Variants in NALF1 observed in about 807,000 individuals in gnomAD.
NALF1 encodes the protein family with sequence similarity 155 member A.
In NALF1, 3 loss-of-function variants were observed where a neutral mutation model predicts 48.4. The ratio of observed to expected loss-of-function variants is 0.06; its 90% CI spans 0.03 to 0.16. The LOEUF (loss-of-function observed/expected upper bound fraction) is 0.16, where lower values mean the gene tolerates loss of function less well. Ranked by LOEUF, NALF1 falls within the 10% of genes least tolerant of loss-of-function variation. NALF1 has a pLI of 1.00. For synonymous variants in NALF1, 262 were observed against 245.7 expected (o/e 1.07, Z -0.62); for missense variants, 526 against 571.5 (o/e 0.92, Z 0.81).
intron 1 of NALF1, among the ~76,000 whole-genome samples, chr13:107,360,253 C>A (rs1293416641): frequency 1.3e-5 from 2 of 152,136 alleles, no homozygotes; most frequent in South Asian, 2.1e-4. Flanking sequence ...GACTCAATAG[C>A]AAATTAGAGC....
chr13:107,267,625 C>A (rs941756955), intron 1 of NALF1, among the ~76,000 whole-genome samples: 1 of 152,102 alleles, frequency 6.6e-6, no homozygotes, highest in African/African-American at 2.4e-5. Flanking sequence ...GGTACTGAAT[C>A]CTATATGTAC....
At chr13:107,714,451 T>C (rs939160088) in intron 1 of NALF1, among the ~76,000 whole-genome samples, 7 of 151,966 alleles carry the variant, frequency 4.6e-5, no homozygotes, top group Non-Finnish European at 8.8e-5. Flanking sequence ...CAGATGGCTT[T>C]GAGCTCAGGA....
rs751866476 is a variant in NALF1 at position 107,865,698 on chromosome 13, C to A, written c.899G>T (p.Cys300Phe). 20 of 1,613,760 alleles carry A rather than the reference C, an allele frequency of 1.2e-5. No individual in the cohort carries two copies. In the South Asian group the frequency reaches 2.2e-4, roughly 18 times the overall value. ...LQSEEYSVKSCPEDCKIVYKA... is the reference protein window; with the variant it reads ...LQSEEYSVKSFPEDCKIVYKA... ...GGTTCCTACCTTACAGTCTTCAGGA[C>A]AGGATTTCACCGAGTACTCCTCCGA... Residue 300 changes from cysteine to phenylalanine, a missense_variant, in exon 1 of 3, where the codon TGT becomes TTT. Coordinates refer to ENST00000375915, the MANE Select transcript of NALF1 (RefSeq NM_001080396.3).
intron 1 of NALF1, among the ~76,000 whole-genome samples, chr13:107,616,096 C>T (rs1264536162): frequency 6.6e-6 from 1 of 152,028 alleles, no homozygotes; most frequent in East Asian, 1.9e-4. Flanking sequence ...AAAACTATTG[C>T]TGAAGATAAA....
At chr13:107,701,491 G>A (rs1881818261) in intron 1 of NALF1, among the ~76,000 whole-genome samples, 1 of 152,062 alleles carries the variant, frequency 6.6e-6, no homozygotes, top group Non-Finnish European at 1.5e-5. Context: ...AATAAACTGT[G>A]GTTACCAGGT....
chr13:107,765,861 T>C lies in NALF1; in HGVS notation c.915+99821A>G, dbSNP rs536067830. Among the ~76,000 whole-genome samples, 8 of 152,312 alleles carry C rather than the reference T, an allele frequency of 5.3e-5. 1 individual carries two copies. The highest frequency in any genetic ancestry group is 1.9e-4 in the African/African-American group (8 of 41,572). On this transcript the variant is annotated intron_variant, in intron 1 of 2. Transcript: ENST00000375915. ...TAAAGTATTTAGAAAACGCCTACTA[T>C]TAAACTTTTATAAATATTTGAGGAA...
chr13:107,230,097 A>G (rs9587324), intron 1 of NALF1, among the ~76,000 whole-genome samples: 60,299 of 152,084 alleles, frequency 0.4, 12,295 homozygotes, highest in Middle Eastern at 0.48. Flanking sequence ...TGCCTCATGC[A>G]GATTCGGCCT....
intron 1 of NALF1, among the ~76,000 whole-genome samples, chr13:107,568,208 TG>T (rs1425517018): frequency 6.6e-6 from 1 of 152,202 alleles, no homozygotes; most frequent in Non-Finnish European, 1.5e-5. Flanking sequence ...CTCTAGCTCC[TG>T]GGCTCAAGGA....
At chr13:107,449,254 T>TA (rs962780913) in intron 1 of NALF1, among the ~76,000 whole-genome samples, 33 of 145,288 alleles carry the variant, frequency 2.3e-4, no homozygotes, top group African/African-American at 6.3e-4. Context: ...AAAAAAAGAA[T>TA]AAAAAAAAAA....
intron 1 of NALF1, among the ~76,000 whole-genome samples, chr13:107,800,796 C>A (rs889676471): frequency 8.1e-5 from 12 of 149,014 alleles, no homozygotes; most frequent in African/African-American, 2.7e-4. Flanking sequence ...AAATATAGTA[C>A]AGGTAATTTC....
At chr13:107,496,183 T>G (rs969975433) in intron 1 of NALF1, among the ~76,000 whole-genome samples, 1 of 152,168 alleles carries the variant, frequency 6.6e-6, no homozygotes, top group African/African-American at 2.4e-5. Context: ...AAAAGTATTT[T>G]CCCTGAGAAA....
At chr13:107,391,046 T>A (rs1037430195) in intron 1 of NALF1, among the ~76,000 whole-genome samples, 8 of 152,168 alleles carry the variant, frequency 5.3e-5, no homozygotes, top group African/African-American at 1.9e-4. Flanking sequence ...GGAAGGAGCA[T>A]CAGTGCAGAT....
chr13:107,796,067 G>A (rs1183944460), intron 1 of NALF1, among the ~76,000 whole-genome samples: 1 of 152,118 alleles, frequency 6.6e-6, no homozygotes, highest in Non-Finnish European at 1.5e-5. Context: ...AATATTGATG[G>A]TTAAGGCATT....
At chr13:107,508,491 C>T (rs964382061) in intron 1 of NALF1, among the ~76,000 whole-genome samples, 1 of 151,858 alleles carries the variant, frequency 6.6e-6, no homozygotes, top group African/African-American at 2.4e-5. Context: ...GAATTGCTTG[C>T]CTGGTAGAAG....
intron 1 of NALF1, among the ~76,000 whole-genome samples, chr13:107,302,840 TCA>T (rs2138894522): frequency 6.6e-6 from 1 of 152,208 alleles, no homozygotes; most frequent in South Asian, 2.1e-4. Context: ...GCTCTCTCTC[TCA>T]CTCTCTCACA....
rs556121496 is a variant in NALF1 at position 107,836,044 on chromosome 13, T to C, written c.915+29638A>G. On this transcript the variant is annotated intron_variant, in intron 1 of 2. Coordinates refer to ENST00000375915, the MANE Select transcript of NALF1 (RefSeq NM_001080396.3). ...TCTTGCTCTGTTGCCCACATTGGAG[T>C]GCAATGATGCGATCATACCTCAATG... Among the ~76,000 whole-genome samples, 11 of 152,234 alleles carry C rather than the reference T, an allele frequency of 7.2e-5. No homozygotes were observed. The East Asian group carries it at 1.9e-3, about 27-fold the overall frequency.
intron 1 of NALF1, among the ~76,000 whole-genome samples, chr13:107,583,215 TTA>T (rs1878362420): frequency 6.6e-6 from 1 of 152,036 alleles, no homozygotes; most frequent in Non-Finnish European, 1.5e-5. Flanking sequence ...AAACATAATG[TTA>T]TATAAATATA....
At chr13:107,781,169 T>A (rs1214712029) in intron 1 of NALF1, among the ~76,000 whole-genome samples, 2 of 152,200 alleles carry the variant, frequency 1.3e-5, no homozygotes, top group African/African-American at 2.4e-5. Context: ...TATTATATGG[T>A]TATCATATGA....
At chr13:107,668,727 C>T (rs1375941550) in intron 1 of NALF1, among the ~76,000 whole-genome samples, 1 of 152,148 alleles carries the variant, frequency 6.6e-6, no homozygotes, top group East Asian at 1.9e-4. Context: ...AGAGTCCAGG[C>T]CTCTCTGCCC....
Sources: gnomAD v4.1 joint callset for allele counts (sites outside exome capture counted in the v4.1 genomes callset) on GRCh38, gnomAD v4.1.1 for gene constraint, MANE v1.5 for transcripts, NCBI Gene and HGNC (gene_info 2026-07-23, HGNC 2026-07-21) for gene names.